TRMT11: variants seen among roughly 807,000 people sequenced by gnomAD.
TRMT11 encodes the protein tRNA (guanine(10)-N(2))-methyltransferase TRMT11.
A neutral mutation model predicts 62.8 loss-of-function variants in TRMT11; 53 were observed. That is an observed-to-expected ratio of 0.84 (90% CI 0.68 to 1.06). TRMT11 has a LOEUF of 1.06. TRMT11 is among the 50% of genes least tolerant of loss of function. The pLI is 0.00. For synonymous variants in TRMT11, 188 were observed against 190.3 expected (o/e 0.99, Z 0.10); for missense variants, 556 against 553.4 (o/e 1.00, Z -0.05).
chr6:126,223,249 A>G, the TRMT11 span, among the ~76,000 whole-genome samples: 1 of 152,112 alleles, frequency 6.6e-6, no homozygotes, highest in East Asian at 1.9e-4. Flanking sequence ...GTGAAACCTC[A>G]TCTCTACTAA....
intron 16 of TRMT11, among the ~76,000 whole-genome samples, chr6:126,045,060 C>T (rs909292923): frequency 6.6e-5 from 10 of 151,884 alleles, no homozygotes; most frequent in South Asian, 4.2e-4. Flanking sequence ...GTATGGTGCA[C>T]GCCTATAATC....
At chr6:125,989,195 C>T (rs921861784) in intron 1 of TRMT11, among the ~76,000 whole-genome samples, 11 of 137,474 alleles carry the variant, frequency 8.0e-5, no homozygotes, top group African/African-American at 2.5e-4. Context: ...GTGGCGCGGT[C>T]TCGGCTCACT....
At chr6:126,020,269 G>A (rs1391241425) in intron 11 of TRMT11, among the ~76,000 whole-genome samples, 1 of 152,170 alleles carries the variant, frequency 6.6e-6, no homozygotes, top group African/African-American at 2.4e-5. Context: ...GTAAAAAATT[G>A]CAAAGGAAAA....
downstream of TRMT11, among the ~76,000 whole-genome samples, chr6:126,208,708 A>G (rs1024626857): frequency 1.3e-5 from 2 of 152,248 alleles, no homozygotes; most frequent in African/African-American, 4.8e-5. Flanking sequence ...CAATAGTCAT[A>G]TATATTTAAC....
the TRMT11 span, among the ~76,000 whole-genome samples, chr6:126,246,738 C>T: frequency 6.6e-6 from 1 of 152,146 alleles, no homozygotes; most frequent in Non-Finnish European, 1.5e-5. Context: ...AGTAAGGTTT[C>T]TGGTTCAAGG....
At chr6:126,166,009 C>T (rs879510717) in intron 21 of TRMT11, among the ~76,000 whole-genome samples, 17 of 152,072 alleles carry the variant, frequency 1.1e-4, no homozygotes, top group Non-Finnish European at 1.9e-4. Context: ...CTAATCTTGT[C>T]TTCATGCTTT....
At chr6:126,241,511 A>G in the TRMT11 span, among the ~76,000 whole-genome samples, 4 of 152,210 alleles carry the variant, frequency 2.6e-5, no homozygotes, top group Non-Finnish European at 5.9e-5. Flanking sequence ...TTTTAGACCA[A>G]TATCCATGAA....
intron 12 of TRMT11, among the ~76,000 whole-genome samples, chr6:126,026,393 A>T (rs11963669): frequency 5.5e-5 from 8 of 145,688 alleles, no homozygotes; most frequent in African/African-American, 1.1e-4. Flanking sequence ...GTTTTTTTTT[A>T]ATTTTTTTTT....
chr6:126,152,052 C>G (rs1314627842), intron 21 of TRMT11, among the ~76,000 whole-genome samples: 1 of 99,120 alleles, frequency 1.0e-5, no homozygotes, highest in Non-Finnish European at 2.0e-5. Context: ...TCTCTCTTTT[C>G]TTTCTTTTTT....
the TRMT11 span, among the ~76,000 whole-genome samples, chr6:126,232,676 G>C: frequency 3.9e-5 from 6 of 152,150 alleles, no homozygotes; most frequent in African/African-American, 1.4e-4. Context: ...TTCTCACTTA[G>C]ATGCTTTTCC....
At chr6:126,221,600 G>A in the TRMT11 span, among the ~76,000 whole-genome samples, 9 of 152,008 alleles carry the variant, frequency 5.9e-5, no homozygotes, top group Non-Finnish European at 1.2e-4. Context: ...ATATTTTAAT[G>A]AGATTATTTG....
intron 17 of TRMT11, among the ~76,000 whole-genome samples, chr6:126,093,585 GTATA>G (rs56176946): frequency 0.077 from 3,564 of 46,474 alleles, 135 homozygotes; most frequent in Admixed American, 0.12. Context: ...GGATATGTAT[GTATA>G]TATATATATA....
intron 17 of TRMT11, among the ~76,000 whole-genome samples, chr6:126,058,275 G>T (rs1776427808): frequency 6.6e-6 from 1 of 152,150 alleles, no homozygotes; most frequent in African/African-American, 2.4e-5. Flanking sequence ...TCCCTGCAAA[G>T]GACATGAACT....
chr6:126,007,489 A>G (rs1483062994), intron 7 of TRMT11, among the ~76,000 whole-genome samples: 1 of 152,008 alleles, frequency 6.6e-6, no homozygotes, highest in East Asian at 1.9e-4. Context: ...ATAGCTAATT[A>G]AGACTTGCCC....
Position 125,986,588 on chromosome 6 carries a change from T to C in TRMT11, c.38T>C (p.Leu13Pro). The stretch of plus-strand genomic sequence containing the variant: ...TGTACCCTTAACAGGTATCTGCTCC[T>C]CATGGCGCAGGAGCATCTGGAGTTC... ...LSCTLNRYLL[L>P]MAQEHLEFRL... The change falls in exon 1 of 13, where the codon CTC becomes CCC. Residue 13 changes from leucine (L) to proline (P), a missense_variant. By Grantham distance (98) the Leu-to-Pro change is moderately conservative. Transcript: ENST00000334379. 6.3e-7 allele frequency: 1 copy of C among 1,589,178 alleles called. No individual in the cohort carries two copies.
intron 21 of TRMT11, among the ~76,000 whole-genome samples, chr6:126,160,464 T>C (rs1024178856): frequency 1.3e-5 from 2 of 152,060 alleles, no homozygotes; most frequent in African/African-American, 4.8e-5. Flanking sequence ...CTCAAGTCCA[T>C]GGAGACTAGA....
intron 21 of TRMT11, among the ~76,000 whole-genome samples, chr6:126,144,283 A>G (rs542820468): frequency 5.3e-4 from 80 of 152,158 alleles, no homozygotes; most frequent in Non-Finnish European, 9.6e-4. Context: ...GGCTATTATC[A>G]CTTCCACAGG....
chr6:125,987,947 T>C (rs1014496550), intron 1 of TRMT11, among the ~76,000 whole-genome samples: 6 of 152,204 alleles, frequency 3.9e-5, no homozygotes, highest in African/African-American at 1.4e-4. Flanking sequence ...TTTGGGAGTC[T>C]TCTTCATATG....
intron 17 of TRMT11, among the ~76,000 whole-genome samples, chr6:126,080,980 C>T (rs1777148538): frequency 6.6e-6 from 1 of 152,158 alleles, no homozygotes; most frequent in Non-Finnish European, 1.5e-5. Flanking sequence ...AGATAGTAAA[C>T]CAGAAGTGAT....
Sources: allele counts gnomAD v4.1 joint callset (sites outside exome capture counted in the v4.1 genomes callset), GRCh38; gene constraint gnomAD v4.1.1; transcripts MANE v1.5; gene names NCBI Gene and HGNC (gene_info 2026-07-23, HGNC 2026-07-21).